KIAA0232: variants seen among roughly 807,000 people sequenced by gnomAD.
KIAA0232 encodes KIAA0232, also known as uncharacterized protein KIAA0232.
Under a neutral mutation model 122.0 loss-of-function variants are expected in KIAA0232, and 27 were observed. The ratio of observed to expected loss-of-function variants is 0.22; its 90% confidence interval spans 0.16 to 0.31. The LOEUF is 0.31. Among genes scored for constraint, KIAA0232 ranks in the 10% least tolerant of loss-of-function variants. The pLI, the probability that KIAA0232 is intolerant of heterozygous loss-of-function variation, is 1.00. For missense variants in KIAA0232, 1,551 were observed against 1,634.2 expected, an observed-to-expected ratio of 0.95 and a Z score of 0.88; for synonymous variants, 613 against 587.6, an observed-to-expected ratio of 1.04 and a Z score of -0.63.
rs1719693818 is a variant in KIAA0232 at position 6,842,047 on chromosome 4, C to G, written c.232-20C>G. The G allele has an allele frequency of 6.2e-7, 1 of 1,612,860 alleles. No individual in the cohort carries two copies. The highest frequency in any genetic ancestry group is 1.1e-5 in the South Asian group (1 of 90,950). On this transcript the variant is annotated intron_variant, in intron 3 of 9. Coordinates refer to ENST00000307659, the MANE Select transcript of KIAA0232 (RefSeq NM_014743.3). Reference sequence around the variant, plus strand: ...TCCAAGTTAGCCCTGGTCATTTAACCTGGTGCAATTTCATTGCAGGAGAAT... The same window carrying G: ...TCCAAGTTAGCCCTGGTCATTTAACGTGGTGCAATTTCATTGCAGGAGAAT...
intron 2 of KIAA0232, among the ~76,000 whole-genome samples, chr4:6,807,032 GTCTATCTA>G (rs71173468): frequency 0.16 from 23,519 of 145,642 alleles, 2,162 homozygotes; most frequent in Middle Eastern, 0.21. Flanking sequence ...CTGTCTGTCT[GTCTATCTA>G]TCTATCTATC....
chr4:6,861,438 C>A lies in KIAA0232; in HGVS notation c.1056C>A (p.Ser352Arg), dbSNP rs1295669406. Residue 352 changes from serine to arginine, a missense_variant, in exon 7 of 10, where the codon AGC becomes AGA. This residue lies in a region of KIAA0232 where 377 missense variants were observed against 381.7 expected (regional missense o/e 0.99). Coordinates refer to ENST00000307659, the MANE Select transcript of KIAA0232 (RefSeq NM_014743.3). ...GGAACATTCATACTGGAAGTAGTAG[C>A]AGTAGCAGCAGTGGTTCTGTCAAAC... is the stretch of plus-strand genomic sequence containing the variant. ...AERNIHTGSS[S>R]SSSSGSVKQL... 1 of 1,614,118 alleles carries A rather than the reference C, an allele frequency of 6.2e-7. No individual in the cohort carries two copies. Among genetic ancestry groups the A allele is most frequent in the African/African-American group, 1.3e-5 (1 of 75,014 alleles).
intron 3 of KIAA0232, among the ~76,000 whole-genome samples, chr4:6,831,498 C>T (rs1393131998): frequency 6.6e-6 from 1 of 152,152 alleles, no homozygotes; most frequent in African/African-American, 2.4e-5. Context: ...ACTCCCAGAA[C>T]TTTACTAACT....
At chr4:6,833,071 G>A (rs906324443) in intron 3 of KIAA0232, among the ~76,000 whole-genome samples, 3 of 152,150 alleles carry the variant, frequency 2.0e-5, no homozygotes, top group African/African-American at 7.2e-5. Context: ...TACTCCTGTA[G>A]CGTGTCCCGT....
intron 1 of KIAA0232, among the ~76,000 whole-genome samples, chr4:6,790,659 GTGGGTA>G (rs1440169610): frequency 1.3e-5 from 2 of 151,582 alleles, no homozygotes; most frequent in Non-Finnish European, 2.9e-5. Flanking sequence ...TGCTGGGACT[GTGGGTA>G]TGAGCCACCA....
Position 6,861,476 on chromosome 4 carries a change from G to T in KIAA0232, c.1094G>T (p.Arg365Leu). 7 of 1,614,152 alleles carry T rather than the reference G, an allele frequency of 4.3e-6. No homozygotes were observed. Among genetic ancestry groups the T allele is most frequent in the South Asian group, 2.2e-5 (2 of 91,082 alleles). ...SSGSVKQLCK[R>L]GKRPLKEIGR... ...GGTTCTGTCAAACAGCTGTGCAAGC[G>T]GGGTAAGAGACCTTTAAAAGAAATA... is the stretch of plus-strand genomic sequence containing the variant. The change falls in exon 7 of 10, where the codon CGG (arginine) becomes CTG (leucine). Residue 365 changes from arginine to leucine, a missense_variant. Arg to Leu is a moderately radical substitution (Grantham distance 102, BLOSUM62 -2). Around this residue, in one of 5 missense-constraint regions of KIAA0232, gnomAD observed 377 missense variants for 381.7 expected, o/e 0.99. Coordinates refer to ENST00000307659, the MANE Select transcript of KIAA0232 (RefSeq NM_014743.3).
chr4:6,851,511 C>T (rs1720282357), intron 4 of KIAA0232, among the ~76,000 whole-genome samples: 1 of 151,520 alleles, frequency 6.6e-6, no homozygotes, highest in African/African-American at 2.4e-5. Flanking sequence ...AGTTTGAAAC[C>T]AGTTTGAGAT....
At chr4:6,834,554 C>T (rs1719167424) in intron 3 of KIAA0232, among the ~76,000 whole-genome samples, 1 of 152,172 alleles carries the variant, frequency 6.6e-6, no homozygotes, top group African/African-American at 2.4e-5. Flanking sequence ...CTAACAATCT[C>T]AATTTGAAAT....
At chr4:6,818,679 A>G (rs914612133) in intron 2 of KIAA0232, among the ~76,000 whole-genome samples, 2 of 152,100 alleles carry the variant, frequency 1.3e-5, no homozygotes, top group South Asian at 4.2e-4. Context: ...TGTTCCCATC[A>G]AACTACTAAT....
At chr4:6,803,343 G>A (rs922964549) in intron 1 of KIAA0232, among the ~76,000 whole-genome samples, 2 of 152,046 alleles carry the variant, frequency 1.3e-5, no homozygotes, top group African/African-American at 4.8e-5. Flanking sequence ...TGTAGGGGGT[G>A]ACTTTTGATA....
intron 2 of KIAA0232, among the ~76,000 whole-genome samples, chr4:6,814,299 G>A (rs1046066751): frequency 7.9e-5 from 12 of 151,654 alleles, no homozygotes; most frequent in African/African-American, 2.9e-4. Context: ...GTAGAGAACT[G>A]CAATGTTACC....
intron 4 of KIAA0232, among the ~76,000 whole-genome samples, chr4:6,847,425 A>T (rs1720023103): frequency 6.6e-6 from 1 of 152,222 alleles, no homozygotes; most frequent in Admixed American, 6.5e-5. Flanking sequence ...TTTATGAGAG[A>T]CATTGCCAAA....
At chr4:6,880,613 A>G (rs1336456035) in intron 9 of KIAA0232, among the ~76,000 whole-genome samples, 174 bp from the exon 10 acceptor site, 1 of 152,264 alleles carries the variant, frequency 6.6e-6, no homozygotes, top group African/African-American at 2.4e-5. Flanking sequence ...TGGATCCTTC[A>G]TGGATCAGAG....
intron 1 of KIAA0232, among the ~76,000 whole-genome samples, chr4:6,795,713 C>T (rs1019367199): frequency 6.6e-6 from 1 of 152,184 alleles, no homozygotes; most frequent in Non-Finnish European, 1.5e-5. Context: ...CCATTTCAGC[C>T]TCCTGAGTAG....
At chr4:6,793,915 C>G (rs1717016699) in intron 1 of KIAA0232, among the ~76,000 whole-genome samples, 1 of 152,136 alleles carries the variant, frequency 6.6e-6, no homozygotes, top group Non-Finnish European at 1.5e-5. Flanking sequence ...GAACAGGAGC[C>G]CAGACTTCCG....
At chr4:6,878,071 T>C (rs182196354) in intron 9 of KIAA0232, among the ~76,000 whole-genome samples, 1 of 152,136 alleles carries the variant, frequency 6.6e-6, no homozygotes. Context: ...AATGCTGATA[T>C]GAAGTCAATA....
intron 3 of KIAA0232, among the ~76,000 whole-genome samples, chr4:6,833,810 G>C (rs368576220): frequency 6.6e-6 from 1 of 152,152 alleles, no homozygotes; most frequent in Non-Finnish European, 1.5e-5. Flanking sequence ...GGAGATATCA[G>C]AAGGGTTATA....
chr4:6,862,901 C>T lies in KIAA0232; in HGVS notation c.2519C>T (p.Thr840Ile), dbSNP rs754256399. ...TKMADTNSVA[T>I]VEIERTDAEL... Reference sequence around the variant, plus strand: ...ATGGCAGACACAAATTCTGTGGCTACAGTAGAAATAGAAAGAACTGATGCT... The same window carrying T: ...ATGGCAGACACAAATTCTGTGGCTATAGTAGAAATAGAAAGAACTGATGCT... Residue 840 changes from threonine (T) to isoleucine (I), a missense_variant, in exon 7 of 10, where the codon ACA (threonine) becomes ATA (isoleucine). Physicochemically the swap from Thr to Ile is moderately conservative, Grantham distance 89. Transcript: ENST00000307659. The T allele has an allele frequency of 1.2e-6, 2 of 1,614,162 alleles. No individual in the cohort carries two copies. The highest frequency in any genetic ancestry group is 1.7e-6 in the Non-Finnish European group (2 of 1,180,034).
rs180945174 is a variant in KIAA0232, at chr4:6,803,139, C to G, written c.-353-1384C>G. Among the ~76,000 whole-genome samples, 9 of 150,518 alleles carry G rather than the reference C, an allele frequency of 6.0e-5. No individual in the cohort carries two copies. In the East Asian group the frequency reaches 1.6e-3, roughly 26 times the overall value. ...TAGGCTGTAGTAAGCTATGATTGTA[C>G]CACTGCACCTCCAGCCTGGATGACA... On this transcript the variant is annotated intron_variant, in intron 1 of 9. Transcript: ENST00000307659.
Sources: allele counts gnomAD v4.1 joint callset (sites outside exome capture counted in the v4.1 genomes callset), GRCh38; gene constraint gnomAD v4.1.1; regional missense constraint gnomAD v4.1.1; transcripts MANE v1.5; gene names NCBI Gene and HGNC (gene_info 2026-07-23, HGNC 2026-07-21).